The following ZBTB11 variants were observed in gnomAD, a reference collection of about 807,000 sequenced individuals.
ZBTB11 encodes zinc finger and BTB domain containing 11, also known as zinc finger and BTB domain-containing protein 11.
Under a neutral mutation model 113.1 loss-of-function variants are expected in ZBTB11, and 68 were observed. The ratio of observed to expected loss-of-function variants is 0.60; its 90% CI spans 0.49 to 0.74. The LOEUF is 0.74. Ranked by LOEUF, ZBTB11 falls within the 30% of genes least tolerant of loss-of-function variation. The probability of loss-of-function intolerance (pLI) is 0.00; values close to 1 mark genes in which losing one functional copy is unlikely to be tolerated. For synonymous variants in ZBTB11, 518 were observed against 452.6 expected, an observed-to-expected ratio of 1.14 and a Z score of -1.83; for missense variants, 1,104 against 1,279.4, an observed-to-expected ratio of 0.86 and a Z score of 2.09.
chr3:101,676,403 GC>G, intron 1 of ZBTB11: 1 of 522,922 alleles, frequency 1.9e-6, no homozygotes, highest in Non-Finnish European at 3.1e-6. Flanking sequence ...GCCAGGGCCC[GC>G]CCCCAGCTTC....
At position 101,665,449 on chromosome 3, in the gene ZBTB11, C is replaced by T. The variant is rs1161029536; in HGVS notation, c.1138G>A (p.Val380Ile). Reference sequence around the variant, plus strand: ...ACCTGGGGCTCAGGCTGTCGTCCTACCTCTCCATTCTGCTCAGCTTCTGGC... The same window carrying T: ...ACCTGGGGCTCAGGCTGTCGTCCTATCTCTCCATTCTGCTCAGCTTCTGGC... ...ELPEAEQNGE[V>I]GRQPEPQVSS... The change falls in exon 4 of 11, where the codon GTA (valine) becomes ATA (isoleucine). Residue 380 changes from valine to isoleucine, a missense_variant. Val to Ile is a conservative substitution (Grantham distance 29). This residue lies in a region of ZBTB11 where 535 missense variants were observed against 518.6 expected (regional missense o/e 1.03). Transcript: ENST00000312938. The T allele has an allele frequency of 5.0e-6, 8 of 1,614,028 alleles. No homozygotes were observed. Among genetic ancestry groups the T allele is most frequent in the East Asian group, 4.5e-5 (2 of 44,900 alleles).
chr3:101,656,129 A>G lies in ZBTB11; in HGVS notation c.2166T>C (p.Leu722=). ...CTGTGTGAATACTCATATGTTCTTGAAGACTCCGTTTGGTAACAAATGACT... is the reference window on the plus strand; with the variant it reads ...CTGTGTGAATACTCATATGTTCTTGGAGACTCCGTTTGGTAACAAATGACT... ...CVKSFVTKRS[L]QEHMSIHTGE... Residue 722 remains leucine (L), a synonymous_variant, in exon 7 of 11, where the codon CTT becomes CTC. Transcript: ENST00000312938. The G allele has an allele frequency of 6.3e-7, 1 of 1,588,900 alleles. No homozygotes were observed. The highest frequency in any genetic ancestry group is 8.5e-7 in the Non-Finnish European group (1 of 1,169,694).
At chr3:101,652,345 T>C in intron 10 of ZBTB11, 151 bp downstream of exon 10, 3 of 674,164 alleles carry the variant, frequency 4.4e-6, no homozygotes, top group Non-Finnish European at 7.2e-6. Context: ...ACACAATAAT[T>C]AGGTACTCAG....
Position 101,676,792 on chromosome 3 carries a change from C to G in ZBTB11, c.123G>C (p.Val41=). 6.2e-7 allele frequency: 1 copy of G among 1,611,988 alleles called. No individual in the cohort carries two copies. Among genetic ancestry groups the G allele is most frequent in the Non-Finnish European group, 8.5e-7 (1 of 1,179,444 alleles). The change falls in exon 1 of 11, where the codon GTG becomes GTC. Residue 41 remains valine (V), a synonymous_variant. Coordinates refer to ENST00000312938, the MANE Select transcript of ZBTB11 (RefSeq NM_014415.4). ...GGTAATACAGAGTCCCGCCGCGCAC[C>G]ACGTAGCAGGCGGCAGCTTTTCGGA... ...RKIRKAAACY[V]VRGGTLYYQR...
chr3:101,659,226 A>G (rs903235965), intron 6 of ZBTB11, among the ~76,000 whole-genome samples: 1 of 152,214 alleles, frequency 6.6e-6, no homozygotes, highest in Non-Finnish European at 1.5e-5. Context: ...GAGAGATAGA[A>G]CAAGACCTTG....
chr3:101,671,645 A>C lies in ZBTB11; in HGVS notation c.547-284T>G, dbSNP rs146036928. The C allele has an allele frequency of 5.0e-3, 2,862 of 571,828 alleles. 58 individuals carry two copies. The highest frequency in any genetic ancestry group is 0.041 in the East Asian group (1,455 of 35,062). The allele number at this position is 571,828 out of a possible 1,614,324, so 35.4% of individuals were successfully genotyped here. A position where few individuals can be genotyped will look rare whatever the true frequency, so the allele number is the denominator to read the frequency against. ...TGAAACTGATGCAGGTGAAAAACAA[A>C]GACCTGGCCAGATTAATTTTACCTT... On this transcript the variant is annotated intron_variant, in intron 2 of 10. Coordinates refer to ENST00000312938, the MANE Select transcript of ZBTB11 (RefSeq NM_014415.4).
intron 6 of ZBTB11, among the ~76,000 whole-genome samples, chr3:101,657,117 A>G (rs1936811604): frequency 7.2e-6 from 1 of 138,656 alleles, no homozygotes; most frequent in South Asian, 2.3e-4. Context: ...CTCCAGCCTC[A>G]GTGACAGAGC....
chr3:101,660,832 C>T (rs1936874882), intron 5 of ZBTB11, among the ~76,000 whole-genome samples: 1 of 152,080 alleles, frequency 6.6e-6, no homozygotes. Flanking sequence ...TCCTTTCTTG[C>T]TTTTTGTTTT....
chr3:101,655,153 G>A (rs898070712), intron 7 of ZBTB11, among the ~76,000 whole-genome samples: 1 of 152,190 alleles, frequency 6.6e-6, no homozygotes, highest in Non-Finnish European at 1.5e-5. Flanking sequence ...TGGGATTACA[G>A]GCATGAGCCA....
chr3:101,658,226 A>AT (rs1936830580), intron 6 of ZBTB11, among the ~76,000 whole-genome samples: 2 of 150,038 alleles, frequency 1.3e-5, no homozygotes, highest in African/African-American at 5.0e-5. Flanking sequence ...TTTAAAAATT[A>AT]ATTTTTTTTT....
Position 101,665,819 on chromosome 3 carries a change from A to G in ZBTB11, c.779-11T>C. 2 of 1,562,470 alleles carry G rather than the reference A, an allele frequency of 1.3e-6. No homozygotes were observed. Among genetic ancestry groups the G allele is most frequent in the Non-Finnish European group, 8.6e-7 (1 of 1,159,856 alleles). On this transcript the variant is annotated splice_polypyrimidine_tract_variant and intron_variant, in intron 3 of 10. Coordinates refer to ENST00000312938, the MANE Select transcript of ZBTB11 (RefSeq NM_014415.4). Reference sequence around the variant, plus strand: ...TGGCCTTACAAAAACCTGTATGAATACAAAGAAGGTAAAGACAAAAAAGTC... The same window carrying G: ...TGGCCTTACAAAAACCTGTATGAATGCAAAGAAGGTAAAGACAAAAAAGTC...
In ZBTB11 at chr3:101,653,055, G is replaced by A. The variant is rs2303474; in HGVS notation, c.2310-117C>T. On this transcript the variant is annotated intron_variant, in intron 8 of 10. Transcript: ENST00000312938. The stretch of plus-strand genomic sequence containing the variant: ...TCCAAAAGATGATCTCAACTTAAAA[G>A]AATTCCCTAATTTTCTAATCTTACA... The A allele has an allele frequency of 7.1e-4, 785 of 1,105,424 alleles. 1 individual carries two copies. Among genetic ancestry groups the A allele is most frequent in the Non-Finnish European group, 9.4e-4 (747 of 793,710 alleles). The allele number at this position is 1,105,424 out of a possible 1,614,324, so 68.5% of individuals were successfully genotyped here.
intron 6 of ZBTB11, among the ~76,000 whole-genome samples, chr3:101,658,957 G>T (rs1011691180): frequency 6.6e-6 from 1 of 152,168 alleles, no homozygotes; most frequent in Non-Finnish European, 1.5e-5. Flanking sequence ...TACTAAGTCA[G>T]GCCTGGCATA....
chr3:101,674,224 C>G (rs995529507), intron 1 of ZBTB11, among the ~76,000 whole-genome samples: 1 of 151,874 alleles, frequency 6.6e-6, no homozygotes, highest in Non-Finnish European at 1.5e-5. Flanking sequence ...GCTGAGGCAC[C>G]AGAATCACGT....
Position 101,672,134 on chromosome 3 carries a change from T to G in ZBTB11, c.390A>C (p.Ser130=), listed in dbSNP as rs941559690. 1 of 1,614,184 alleles carries G rather than the reference T, an allele frequency of 6.2e-7. No individual in the cohort carries two copies. Among genetic ancestry groups the G allele is most frequent in the Non-Finnish European group, 8.5e-7 (1 of 1,180,024 alleles). The part of the protein sequence containing the change: ...QEKLDRSRPI[S]DVSEMLEELG... ...ATTCTTCCAACATTTCTGAAACATC[T>G]GATATTGGACGGGATCGATCTAGTT... Residue 130 remains serine, a synonymous_variant, in exon 2 of 11, where the codon TCA becomes TCC. Coordinates refer to ENST00000312938, the MANE Select transcript of ZBTB11 (RefSeq NM_014415.4).
chr3:101,673,258 A>G (rs1375307449), intron 1 of ZBTB11, among the ~76,000 whole-genome samples: 1 of 152,196 alleles, frequency 6.6e-6, no homozygotes, highest in Non-Finnish European at 1.5e-5. Flanking sequence ...CAAGAGGAAA[A>G]TAAAGCCCTA....
intron 7 of ZBTB11, among the ~76,000 whole-genome samples, chr3:101,655,458 G>C (rs1255246064): frequency 6.6e-6 from 1 of 152,118 alleles, no homozygotes; most frequent in African/African-American, 2.4e-5. Context: ...CTAAAAATAA[G>C]TATGTATGGA....
Position 101,669,221 on chromosome 3 carries a change from A to G in ZBTB11, c.778+1909T>C, listed in dbSNP as rs754171090. On this transcript the variant is annotated intron_variant, in intron 3 of 10. Transcript: ENST00000312938. ...CTAATTTTTGTAAATTTTGGTAGCCACAGGGTTTCACCATGTTGTCCGGGA... is the reference window on the plus strand; with the variant it reads ...CTAATTTTTGTAAATTTTGGTAGCCGCAGGGTTTCACCATGTTGTCCGGGA... Among the ~76,000 whole-genome samples, 82 of 152,342 alleles carry G rather than the reference A, an allele frequency of 5.4e-4. No homozygotes were observed. In the Middle Eastern group the frequency reaches 0.01, roughly 19 times the overall value.
intron 3 of ZBTB11, 77 bp from the exon 4 acceptor site, chr3:101,665,885 T>C: frequency 7.2e-7 from 1 of 1,389,810 alleles, no homozygotes; most frequent in Non-Finnish European, 9.7e-7. Context: ...CAATATAAAA[T>C]ATAATTCAAA....
Sources: gnomAD v4.1 joint callset for allele counts (sites outside exome capture counted in the v4.1 genomes callset) on GRCh38, gnomAD v4.1.1 for gene constraint, gnomAD v4.1.1 regional missense constraint, MANE v1.5 for transcripts, NCBI Gene and HGNC (gene_info 2026-07-23, HGNC 2026-07-21) for gene names.